Variants in YTHDC1 observed in about 807,000 individuals in gnomAD.
YTHDC1 encodes YTH domain-containing protein 1.
Under a neutral mutation model 107.0 loss-of-function variants are expected in YTHDC1, and 12 were observed. That is an observed-to-expected ratio of 0.11 (90% CI 0.07 to 0.18). The LOEUF is 0.18. Ranked by LOEUF, YTHDC1 falls within the 10% of genes least tolerant of loss-of-function variation. The probability of loss-of-function intolerance (pLI) is 1.00; values close to 1 mark genes in which losing one functional copy is unlikely to be tolerated. For synonymous variants in YTHDC1, 280 were observed against 289.5 expected (o/e 0.97, Z 0.33); for missense variants, 635 against 898.8 (o/e 0.71, Z 3.75).
chr4:68,343,838 G>C (rs1454233767), intron 1 of YTHDC1, among the ~76,000 whole-genome samples: 1 of 152,056 alleles, frequency 6.6e-6, no homozygotes, highest in Non-Finnish European at 1.5e-5. Context: ...TTTTTATAAT[G>C]TGCCAGTTCA....
At chr4:68,343,565 T>C (rs2109743558) in intron 1 of YTHDC1, among the ~76,000 whole-genome samples, 1 of 140,994 alleles carries the variant, frequency 7.1e-6, no homozygotes, top group East Asian at 2.1e-4. Flanking sequence ...TTTGAGACAG[T>C]CTCACTGTTG....
intron 1 of YTHDC1, among the ~76,000 whole-genome samples, chr4:68,346,433 T>A (rs540894088): frequency 1.2e-4 from 19 of 152,164 alleles, no homozygotes; most frequent in African/African-American, 4.6e-4. Context: ...TTATCCAAGG[T>A]TTTGCTTTTG....
At chr4:68,329,644 A>G (rs1723361669) in intron 9 of YTHDC1, among the ~76,000 whole-genome samples, 1 of 152,160 alleles carries the variant, frequency 6.6e-6, no homozygotes, top group South Asian at 2.1e-4. Context: ...TAACCTCCTT[A>G]AAAAATACTG....
chr4:68,325,227 C>A (rs905344292), intron 9 of YTHDC1, among the ~76,000 whole-genome samples: 5 of 152,018 alleles, frequency 3.3e-5, no homozygotes, highest in African/African-American at 1.2e-4. Context: ...TAAGCACACA[C>A]AATTTTCAAA....
intron 12 of YTHDC1, among the ~76,000 whole-genome samples, 153 bp downstream of exon 12, chr4:68,319,969 TA>T (rs1485762119): frequency 6.6e-6 from 1 of 152,118 alleles, no homozygotes; most frequent in East Asian, 1.9e-4. Context: ...AGAATTACAC[TA>T]ATGAGAACTA....
In YTHDC1 at chr4:68,322,703, T is replaced by C; in HGVS notation, c.1601+46A>G. The C allele has an allele frequency of 6.3e-7, 1 of 1,589,604 alleles. No homozygotes were observed. Among genetic ancestry groups the C allele is most frequent in the Non-Finnish European group, 8.6e-7 (1 of 1,163,544 alleles). ...GACGAATCATATTCCTCCATCATGT[T>C]ATTCTGATACATGTGCCTATTATCA... On this transcript the variant is annotated intron_variant, in intron 11 of 16. Coordinates refer to ENST00000344157, the MANE Select transcript of YTHDC1 (RefSeq NM_001031732.4). The surrounding 1 kb of genome is among the most constrained non-coding windows in gnomAD (Gnocchi z 4.8).
intron 11 of YTHDC1, among the ~76,000 whole-genome samples, chr4:68,321,866 T>G (rs966114063): frequency 6.6e-6 from 1 of 152,142 alleles, no homozygotes; most frequent in Non-Finnish European, 1.5e-5. Context: ...GGGGAAGGTG[T>G]TGGGTAGAAG....
chr4:68,317,443 A>G (rs1721986306), intron 15 of YTHDC1, among the ~76,000 whole-genome samples: 1 of 152,218 alleles, frequency 6.6e-6, no homozygotes, highest in Admixed American at 6.5e-5. Context: ...TGAAGAGGCC[A>G]TATAACATAT....
At position 68,314,150 on chromosome 4, in the gene YTHDC1, T is replaced by C; in HGVS notation, c.2133A>G (p.Arg711=). Residue 711 remains arginine (R), a synonymous_variant, in exon 17 of 17, where the codon CGA becomes CGG. Transcript: ENST00000344157. ...RGRDRERERE[R]LCDRDRDRGE... Reference sequence around the variant, plus strand: ...CTCGGTCTCTGTCTCGATCACATAATCGCTCTCTTTCTCTTTCTCTATCAC... The same window carrying C: ...CTCGGTCTCTGTCTCGATCACATAACCGCTCTCTTTCTCTTTCTCTATCAC... The C allele has an allele frequency of 6.2e-7, 1 of 1,613,976 alleles. No individual in the cohort carries two copies.
At chr4:68,324,091 A>G (rs1722722851) in intron 10 of YTHDC1, 48 bp downstream of exon 10, 1 of 1,517,698 alleles carries the variant, frequency 6.6e-7, no homozygotes, top group Non-Finnish European at 9.1e-7. Flanking sequence ...GATCTCTAAA[A>G]GGGTTGATTA....
intron 5 of YTHDC1, 42 bp from the exon 6 acceptor site, chr4:68,332,889 T>A (rs369418353): frequency 6.4e-7 from 1 of 1,558,320 alleles, no homozygotes; most frequent in African/African-American, 1.4e-5. Flanking sequence ...TGAGCTTTAA[T>A]AGAGATAAGA....
At chr4:68,319,773 C>A (rs1468497028) in intron 12 of YTHDC1, among the ~76,000 whole-genome samples, 1 of 152,040 alleles carries the variant, frequency 6.6e-6, no homozygotes, top group Non-Finnish European at 1.5e-5. Context: ...TCACATGAAA[C>A]ACTAACTACC....
At chr4:68,329,712 C>G (rs1723369044) in intron 9 of YTHDC1, among the ~76,000 whole-genome samples, 1 of 152,182 alleles carries the variant, frequency 6.6e-6, no homozygotes, top group Admixed American at 6.5e-5. Flanking sequence ...ACTTATTTCC[C>G]ATTCCTCAAT....
chr4:68,322,554 T>C lies in YTHDC1; in HGVS notation c.1601+195A>G. 3 of 609,564 alleles carry C rather than the reference T, an allele frequency of 4.9e-6. No homozygotes were observed. Among genetic ancestry groups the C allele is most frequent in the Non-Finnish European group, 5.5e-6 (2 of 365,146 alleles). The allele number at this position is 609,564 out of a possible 1,614,324, so 37.8% of individuals were successfully genotyped here. A position where few individuals can be genotyped will look rare whatever the true frequency, so the allele number is the denominator to read the frequency against. Reference sequence around the variant, plus strand: ...TTTTCTGCATAAGGAAAGATCCCCATTTTCCTCTTGAAAAATGACTGAGAC... The same window carrying C: ...TTTTCTGCATAAGGAAAGATCCCCACTTTCCTCTTGAAAAATGACTGAGAC... On this transcript the variant is annotated intron_variant, in intron 11 of 16. Coordinates refer to ENST00000344157, the MANE Select transcript of YTHDC1 (RefSeq NM_001031732.4). This position sits in a 1 kb window ranked among gnomAD's most constrained non-coding sequence, Gnocchi z 4.8.
chr4:68,332,557 C>A (rs1030813378), intron 6 of YTHDC1, among the ~76,000 whole-genome samples: 1 of 152,074 alleles, frequency 6.6e-6, no homozygotes, highest in African/African-American at 2.4e-5. Context: ...CACACATACA[C>A]ACACACACCC....
At chr4:68,349,411 G>A (rs1725823385) in intron 1 of YTHDC1, among the ~76,000 whole-genome samples, 1 of 152,134 alleles carries the variant, frequency 6.6e-6, no homozygotes, top group African/African-American at 2.4e-5. Context: ...ATCCTACCAG[G>A]AAATAAACCT....
rs1290228489 is a variant in YTHDC1, at chr4:68,337,919, A to G, written c.131-19T>C. ...TTTGATCCTTTAAAATACAATGTAA[A>G]AAAAAAAAAAAGAAGTATTTGTAGT... On this transcript the variant is annotated intron_variant, in intron 2 of 16. Transcript: ENST00000344157. 1.3e-6 allele frequency: 2 copies of G among 1,530,834 alleles called. No homozygotes were observed. Among genetic ancestry groups the G allele is most frequent in the Non-Finnish European group, 1.8e-6 (2 of 1,132,984 alleles). 94.8% of individuals were successfully genotyped at this position (1,530,834 alleles called of 1,614,324 possible).
intron 1 of YTHDC1, among the ~76,000 whole-genome samples, chr4:68,341,939 AG>A (rs1724848985): frequency 6.6e-6 from 1 of 152,310 alleles, no homozygotes; most frequent in Admixed American, 6.5e-5. Flanking sequence ...ACCTGTAAGA[AG>A]ACTCTCCTTC....
At chr4:68,338,536 A>C in intron 1 of YTHDC1, 152 bp from the exon 2 acceptor site, 1 of 582,892 alleles carries the variant, frequency 1.7e-6, no homozygotes, top group African/African-American at 1.9e-5. Flanking sequence ...ACACAAGATT[A>C]ATTTCTATAA....
Sources: gnomAD v4.1 joint callset for allele counts (sites outside exome capture counted in the v4.1 genomes callset) on GRCh38, gnomAD v4.1.1 for gene constraint, Gnocchi (gnomAD v3.1) non-coding constraint, MANE v1.5 for transcripts, NCBI Gene and HGNC (gene_info 2026-07-23, HGNC 2026-07-21) for gene names.